Variants in NRIP3 observed in about 807,000 individuals in gnomAD.
NRIP3 encodes the protein nuclear receptor interacting protein 3.
In NRIP3, 31 loss-of-function variants were observed where a neutral mutation model predicts 29.0. The ratio of observed to expected loss-of-function variants is 1.07; its 90% CI spans 0.80 to 1.44. NRIP3 has a LOEUF of 1.44. Ranked by LOEUF, NRIP3 falls within the 40% of genes most tolerant of loss-of-function variation. NRIP3 has a pLI of 0.00. For missense variants in NRIP3, 314 were observed against 297.9 expected, an observed-to-expected ratio of 1.05 and a Z score of -0.40; for synonymous variants, 131 against 118.3, an observed-to-expected ratio of 1.11 and a Z score of -0.70.
intron 1 of NRIP3, among the ~76,000 whole-genome samples, chr11:8,995,812 C>G (rs1171997609): frequency 6.6e-6 from 1 of 152,206 alleles, no homozygotes; most frequent in African/African-American, 2.4e-5. Context: ...GCCCTTGCCT[C>G]TCCTTCCATA....
At chr11:8,983,826 AGCTGATGACAAATG>A in intron 6 of NRIP3, 35 bp downstream of exon 6, 1 of 1,477,964 alleles carries the variant, frequency 6.8e-7, no homozygotes, top group Admixed American at 1.7e-5. Flanking sequence ...CCCTGCTCGC[AGCTGATGACAAATG>A]GATGTGACTT....
Position 8,984,118 on chromosome 11 carries a change from T to C in NRIP3, c.569A>G (p.Asn190Ser), listed in dbSNP as rs751808770. The C allele has an allele frequency of 1.2e-6, 2 of 1,611,558 alleles. No homozygotes were observed. Among genetic ancestry groups the C allele is most frequent in the South Asian group, 2.2e-5 (2 of 91,008 alleles). ...LDCPAAVVDD[N>S]EKNLSLGLQT... ...TAGACCAAGGGACAAGTTTTTCTCA[T>C]TGTCATCTAATAAAAACAAAAAAAT... Residue 190 changes from asparagine (N) to serine (S), a missense_variant, in exon 5 of 7, where the codon AAT becomes AGT. Transcript: ENST00000309166.
chr11:8,987,263 C>G (rs983465369), intron 3 of NRIP3, among the ~76,000 whole-genome samples: 6 of 152,148 alleles, frequency 3.9e-5, no homozygotes, highest in Non-Finnish European at 8.8e-5. Context: ...CACAATGAGC[C>G]AGAGGTCTCA....
intron 2 of NRIP3, 42 bp downstream of exon 2, chr11:8,988,076 A>G (rs1321118791): frequency 6.3e-7 from 1 of 1,598,298 alleles, no homozygotes; most frequent in Non-Finnish European, 8.6e-7. Flanking sequence ...CCCACATCCT[A>G]CTTTCCAGAA....
chr11:8,986,823 A>G (rs1203967554), intron 3 of NRIP3, among the ~76,000 whole-genome samples: 2 of 152,182 alleles, frequency 1.3e-5, no homozygotes, highest in African/African-American at 4.8e-5. Context: ...GTTGAAAACC[A>G]TCCTGGGCAA....
In NRIP3 at chr11:8,981,757, A is replaced by C. The variant is rs1854420179; in HGVS notation, c.*1788T>G. 1 of 152,190 alleles carries C rather than the reference A, an allele frequency of 6.6e-6. No homozygotes were observed. The highest frequency in any genetic ancestry group is 1.5e-5 in the Non-Finnish European group (1 of 68,076). 9.4% of individuals were successfully genotyped at this position (152,190 alleles called of 1,614,324 possible). A position where few individuals can be genotyped will look rare whatever the true frequency, so the allele number is the denominator to read the frequency against. On this transcript the variant is annotated 3_prime_UTR_variant, in exon 7 of 7. Transcript: ENST00000309166. ...CGGGATCACCCCTCATGAGCTTTAG[A>C]TATAGCCTCCCAACCATGGCTGTGC...
chr11:8,999,049 C>T (rs188484556), intron 1 of NRIP3, among the ~76,000 whole-genome samples: 125 of 152,144 alleles, frequency 8.2e-4, no homozygotes, highest in African/African-American at 1.9e-3. Flanking sequence ...GTGACCTGCC[C>T]GCCTCGGCCT....
intron 1 of NRIP3, among the ~76,000 whole-genome samples, chr11:8,999,041 G>C (rs1854756356): frequency 6.6e-6 from 1 of 151,976 alleles, no homozygotes; most frequent in Non-Finnish European, 1.5e-5. Flanking sequence ...CTAACCTCGT[G>C]ACCTGCCCGC....
chr11:8,985,969 C>G, intron 3 of NRIP3, 119 bp from the exon 4 acceptor site: 1 of 1,198,288 alleles, frequency 8.3e-7, no homozygotes, highest in Non-Finnish European at 1.2e-6. Context: ...ATTAATCTAC[C>G]GAAAAGTGCT....
At chr11:8,989,292 T>C (rs1013620889) in intron 1 of NRIP3, among the ~76,000 whole-genome samples, 2 of 152,358 alleles carry the variant, frequency 1.3e-5, no homozygotes, top group South Asian at 2.1e-4. Context: ...AAATATCTTA[T>C]GTCCCGGCTA....
At chr11:8,988,475 GC>G (rs1373251289) in intron 1 of NRIP3, among the ~76,000 whole-genome samples, 193 bp from the exon 2 acceptor site, 1 of 152,136 alleles carries the variant, frequency 6.6e-6, no homozygotes, top group Non-Finnish European at 1.5e-5. Context: ...TTTGCAGTAG[GC>G]CACCCTGAAT....
chr11:8,991,313 CA>C (rs1854597528), intron 1 of NRIP3, among the ~76,000 whole-genome samples: 1 of 152,126 alleles, frequency 6.6e-6, no homozygotes, highest in African/African-American at 2.4e-5. Flanking sequence ...AACAAAAAGG[CA>C]TTTTCTATGT....
chr11:9,003,892 G>A lies in NRIP3; in HGVS notation c.44C>T (p.Thr15Ile). The stretch of plus-strand genomic sequence containing the variant: ...CAGTGACGCCGCCTCCCGCATGTCG[G>A]TCTCCTTGCGGCCGCCCTCAGTGAG... The part of the protein sequence containing the change: ...GLLTEGGRKE[T>I]DMREAASLRQ... The change falls in exon 1 of 7, where the codon ACC becomes ATC. Residue 15 changes from threonine to isoleucine, a missense_variant. Transcript: ENST00000309166. The A allele has an allele frequency of 6.6e-7, 1 of 1,523,336 alleles. No individual in the cohort carries two copies. The highest frequency in any genetic ancestry group is 8.8e-7 in the Non-Finnish European group (1 of 1,136,764). 94.4% of individuals were successfully genotyped at this position (1,523,336 alleles called of 1,614,324 possible).
chr11:8,998,616 G>A (rs1854747101), intron 1 of NRIP3, among the ~76,000 whole-genome samples: 1 of 152,110 alleles, frequency 6.6e-6, no homozygotes, highest in African/African-American at 2.4e-5. Flanking sequence ...TCAGGTTAGA[G>A]AAATCACTTC....
chr11:8,996,768 G>A (rs1854714978), intron 1 of NRIP3, among the ~76,000 whole-genome samples: 2 of 152,306 alleles, frequency 1.3e-5, no homozygotes, highest in East Asian at 1.9e-4. Context: ...AAGATACACA[G>A]TACTGACCAG....
intron 1 of NRIP3, among the ~76,000 whole-genome samples, chr11:8,991,614 C>A (rs1854602806): frequency 6.6e-6 from 1 of 152,224 alleles, no homozygotes; most frequent in Admixed American, 6.5e-5. Flanking sequence ...ATTCTGGAAT[C>A]TGAATAGCAG....
Position 8,985,792 on chromosome 11 carries a change from G to A in NRIP3, c.481C>T (p.His161Tyr), listed in dbSNP as rs1854511914. Residue 161 changes from histidine (H) to tyrosine (Y), a missense_variant, in exon 4 of 7, where the codon CAT (histidine) becomes TAT (tyrosine). Transcript: ENST00000309166. ...TCAATCTGGCCCACTACTTTGAGATGCCGGGGTAGAGAAAGCTTTTCTCCT... is the reference window on the plus strand; with the variant it reads ...TCAATCTGGCCCACTACTTTGAGATACCGGGGTAGAGAAAGCTTTTCTCCT... ...HEGEKLSLPRHLKVVGQIEHL... is the reference protein window; with the variant it reads ...HEGEKLSLPRYLKVVGQIEHL... The A allele has an allele frequency of 1.2e-6, 2 of 1,614,148 alleles. No individual in the cohort carries two copies. Among genetic ancestry groups the A allele is most frequent in the African/African-American group, 1.3e-5 (1 of 75,034 alleles).
In NRIP3 at chr11:8,986,950, G is replaced by A. The variant is rs865851838; in HGVS notation, c.422+598C>T. 9.8e-5 allele frequency among the ~76,000 whole-genome samples: 15 copies of A among 152,320 alleles called. 1 individual carries two copies. Among genetic ancestry groups the A allele is most frequent in the South Asian group, 4.1e-4 (2 of 4,820 alleles). On this transcript the variant is annotated intron_variant, in intron 3 of 6. Coordinates refer to ENST00000309166, the MANE Select transcript of NRIP3 (RefSeq NM_020645.3). ...GGAGGATCACTTGAGCCCAGGAGGC[G>A]GAGGTTGCAGTGAGCTGAGATTGCA...
At chr11:8,989,078 A>T (rs1854559647) in intron 1 of NRIP3, among the ~76,000 whole-genome samples, 2 of 152,212 alleles carry the variant, frequency 1.3e-5, no homozygotes, top group Admixed American at 6.5e-5. Flanking sequence ...CAGGGGACTT[A>T]ATTAGACCTT....
Sources: allele counts gnomAD v4.1 joint callset (sites outside exome capture counted in the v4.1 genomes callset), GRCh38; gene constraint gnomAD v4.1.1; transcripts MANE v1.5; gene names NCBI Gene and HGNC (gene_info 2026-07-23, HGNC 2026-07-21).